NFX1: variants seen among roughly 807,000 people sequenced by gnomAD.
NFX1 encodes the protein transcriptional repressor NF-X1.
In NFX1, 69 loss-of-function variants were observed where a neutral mutation model predicts 137.2. That is an observed-to-expected ratio of 0.50 (90% CI 0.41 to 0.61). The LOEUF (loss-of-function observed/expected upper bound fraction) is 0.61, where lower values mean the gene tolerates loss of function less well. Ranked by LOEUF, NFX1 falls within the 20% of genes least tolerant of loss-of-function variation. NFX1 has a pLI of 0.00. For synonymous variants in NFX1, 495 were observed against 474.1 expected, an observed-to-expected ratio of 1.04 and a Z score of -0.57; for missense variants, 1,167 against 1,391.0, an observed-to-expected ratio of 0.84 and a Z score of 2.56.
chr9:33,354,734 T>C (rs538667483), intron 18 of NFX1, 117 bp from the exon 19 acceptor site: 3 of 896,772 alleles, frequency 3.3e-6, no homozygotes, highest in South Asian at 4.0e-5. Flanking sequence ...GCCTGAGGGA[T>C]TGTTTTTTGG....
At chr9:33,326,923 A>C (rs988546549) in intron 9 of NFX1, among the ~76,000 whole-genome samples, 1 of 152,214 alleles carries the variant, frequency 6.6e-6, no homozygotes, top group Non-Finnish European at 1.5e-5. Flanking sequence ...GTTAGTATAA[A>C]TCTGAAGTAG....
rs1277324654 is a variant in NFX1, at chr9:33,305,992, A to G, written c.1271-1202A>G. Among the ~76,000 whole-genome samples, 2 of 152,182 alleles carry G rather than the reference A, an allele frequency of 1.3e-5. 1 individual carries two copies. Among genetic ancestry groups the G allele is most frequent in the South Asian group, 4.1e-4 (2 of 4,834 alleles). Reference sequence around the variant, plus strand: ...AACACTTGCAGGGGAAAGAAAAGCAAAAAACCCCAAAACATCATTTGGAGT... The same window carrying G: ...AACACTTGCAGGGGAAAGAAAAGCAGAAAACCCCAAAACATCATTTGGAGT... On this transcript the variant is annotated intron_variant, in intron 4 of 23. Transcript: ENST00000379540.
intron 4 of NFX1, among the ~76,000 whole-genome samples, chr9:33,306,721 G>A (rs541074005): frequency 1.3e-5 from 2 of 152,150 alleles, no homozygotes; most frequent in South Asian, 2.1e-4. Flanking sequence ...CTTTTATGCC[G>A]ACTTTATAGT....
chr9:33,316,785 A>G (rs1295781263), intron 7 of NFX1, among the ~76,000 whole-genome samples: 1 of 152,078 alleles, frequency 6.6e-6, no homozygotes, highest in Non-Finnish European at 1.5e-5. Context: ...ACTCTACCTA[A>G]TTCTTCTGTC....
At chr9:33,368,195 A>G (rs575538935) in intron 23 of NFX1, among the ~76,000 whole-genome samples, 3 of 152,206 alleles carry the variant, frequency 2.0e-5, no homozygotes, top group East Asian at 3.9e-4. Context: ...AGATCGCACC[A>G]CTGCACTCCA....
Position 33,301,339 on chromosome 9 carries a change from A to C in NFX1, c.1110A>C (p.Pro370=). The C allele has an allele frequency of 6.2e-7, 1 of 1,614,202 alleles. No individual in the cohort carries two copies. Among genetic ancestry groups the C allele is most frequent in the Non-Finnish European group, 8.5e-7 (1 of 1,180,026 alleles). The stretch of plus-strand genomic sequence containing the variant: ...GTGAATTGGTTCGTGTCACGGCCCC[A>C]GTGTGGAGTTGTCAGAGCTGTTACC... ...VCCELVRVTA[P]VWSCQSCYHV... Residue 370 remains proline (P), a synonymous_variant, in exon 3 of 24, where the codon CCA becomes CCC. Coordinates refer to ENST00000379540, the MANE Select transcript of NFX1 (RefSeq NM_002504.6).
chr9:33,300,065 ATTTTTTTTTT>A (rs34826491), intron 2 of NFX1, among the ~76,000 whole-genome samples: 1 of 100,276 alleles, frequency 1.0e-5, no homozygotes, highest in Non-Finnish European at 1.9e-5. Context: ...ATGTTATAGC[ATTTTTTTTTT>A]TTTTTTTTTT....
At chr9:33,355,984 A>C (rs1823797850) in intron 19 of NFX1, among the ~76,000 whole-genome samples, 1 of 152,084 alleles carries the variant, frequency 6.6e-6, no homozygotes. Context: ...ATTTCTGTAC[A>C]TTTCTGTTGG....
At position 33,370,213 on chromosome 9, in the gene NFX1, G is replaced by A. The variant is rs553644329; in HGVS notation, c.*235G>A. On this transcript the variant is annotated 3_prime_UTR_variant, in exon 24 of 24. Coordinates refer to ENST00000379540, the MANE Select transcript of NFX1 (RefSeq NM_002504.6). ...GTATGGTCACTAGGTATGCAATCAC[G>A]CATTCAAAGAGGCTCTTTACACCAT... 1.4e-4 allele frequency: 58 copies of A among 408,028 alleles called. 1 individual carries two copies. Among genetic ancestry groups the A allele is most frequent in the African/African-American group, 2.5e-4 (12 of 48,126 alleles). 25.3% of individuals were successfully genotyped at this position (408,028 alleles called of 1,614,324 possible).
At chr9:33,359,174 T>C (rs577606790) in intron 19 of NFX1, among the ~76,000 whole-genome samples, 2 of 152,358 alleles carry the variant, frequency 1.3e-5, no homozygotes, top group Admixed American at 1.3e-4. Context: ...TGTCAATTCC[T>C]GTTATTTTTT....
At position 33,318,998 on chromosome 9, in the gene NFX1, T is replaced by C; in HGVS notation, c.1777T>C (p.Cys593Arg). Residue 593 changes from cysteine (C) to arginine (R), a missense_variant, in exon 9 of 24, where the codon TGT becomes CGT. Coordinates refer to ENST00000379540, the MANE Select transcript of NFX1 (RefSeq NM_002504.6). The stretch of plus-strand genomic sequence containing the variant: ...CCCACGGCTCCCCCAGCTGGTGCGC[T>C]GTTGCCCCTGTGGCCAAACTCCTCT... ...QCPRLPQLVRCCPCGQTPLSQ... is the reference protein window; with the variant it reads ...QCPRLPQLVRRCPCGQTPLSQ... The C allele has an allele frequency of 6.2e-7, 1 of 1,614,232 alleles. No homozygotes were observed. Among genetic ancestry groups the C allele is most frequent in the Non-Finnish European group, 8.5e-7 (1 of 1,180,036 alleles).
intron 19 of NFX1, among the ~76,000 whole-genome samples, chr9:33,357,819 A>T (rs1002591292): frequency 1.3e-5 from 2 of 151,524 alleles, no homozygotes; most frequent in South Asian, 4.1e-4. Flanking sequence ...TGCTGGGATT[A>T]TAAGCATGAG....
At chr9:33,316,538 T>C (rs62542723) in intron 7 of NFX1, among the ~76,000 whole-genome samples, 6 of 152,182 alleles carry the variant, frequency 3.9e-5, no homozygotes, top group Non-Finnish European at 8.8e-5. Context: ...TTTAGTTGAT[T>C]TTTCAAACCC....
At chr9:33,305,427 A>G (rs1821716958) in intron 4 of NFX1, among the ~76,000 whole-genome samples, 1 of 152,188 alleles carries the variant, frequency 6.6e-6, no homozygotes, top group Non-Finnish European at 1.5e-5. Flanking sequence ...AGAGCCCAGG[A>G]TCTATGATGG....
Position 33,313,664 on chromosome 9 carries a change from C to A in NFX1, c.1459C>A (p.Arg487Ser). 4.3e-6 allele frequency: 7 copies of A among 1,614,022 alleles called. No homozygotes were observed. Among genetic ancestry groups the A allele is most frequent in the South Asian group, 1.1e-5 (1 of 91,062 alleles). ...CECGRTRHTV[R>S]CGQAVSVHCS... ...CTATTGTCTTTACAGGCACACAGTT[C>A]GCTGTGGTCAGGCTGTCTCAGTCCA... The change falls in exon 7 of 24, where the codon CGC (arginine) becomes AGC (serine). Residue 487 changes from arginine to serine, a missense_variant. Physicochemically the swap from Arg to Ser is moderately radical, Grantham distance 110. Coordinates refer to ENST00000379540, the MANE Select transcript of NFX1 (RefSeq NM_002504.6).
intron 12 of NFX1, among the ~76,000 whole-genome samples, chr9:33,341,599 A>G (rs1823224852): frequency 6.6e-6 from 1 of 152,182 alleles, no homozygotes; most frequent in African/African-American, 2.4e-5. Context: ...AAGTATTATA[A>G]ACTAGTGTTA....
At position 33,351,604 on chromosome 9, in the gene NFX1, A is replaced by G; in HGVS notation, c.2469A>G (p.Gly823=). 6.2e-7 allele frequency: 1 copy of G among 1,614,158 alleles called. No homozygotes were observed. Among genetic ancestry groups the G allele is most frequent in the African/African-American group, 1.3e-5 (1 of 75,038 alleles). Residue 823 remains glycine, a synonymous_variant, in exon 16 of 24, where the codon GGA becomes GGG. Coordinates refer to ENST00000379540, the MANE Select transcript of NFX1 (RefSeq NM_002504.6). ...IPCHLVDISC[G]LPCSATLPCG... The stretch of plus-strand genomic sequence containing the variant: ...GTCACCTGGTTGATATCTCTTGCGG[A>G]TTACCCTGCAGTGCCACGCTACCAT...
intron 17 of NFX1, 30 bp downstream of exon 17, chr9:33,352,749 T>C: frequency 6.4e-7 from 1 of 1,558,896 alleles, no homozygotes; most frequent in Non-Finnish European, 8.9e-7. Flanking sequence ...TAACAACTGA[T>C]GGCCTAGGTG....
At chr9:33,330,741 A>C (rs1822775308) in intron 10 of NFX1, among the ~76,000 whole-genome samples, 1 of 151,942 alleles carries the variant, frequency 6.6e-6, no homozygotes, top group African/African-American at 2.4e-5. Context: ...CTAATAGTGG[A>C]CTCCATGGCA....
Sources: gnomAD v4.1 joint callset for allele counts (sites outside exome capture counted in the v4.1 genomes callset) on GRCh38, gnomAD v4.1.1 for gene constraint, MANE v1.5 for transcripts, NCBI Gene and HGNC (gene_info 2026-07-23, HGNC 2026-07-21) for gene names.